Variants in TOX3 observed in about 807,000 individuals in gnomAD.
TOX3 encodes the protein TOX high mobility group box family member 3.
In TOX3, 22 loss-of-function variants were observed where a neutral mutation model predicts 64.3. The ratio of observed to expected loss-of-function variants is 0.34; its 90% CI spans 0.24 to 0.49. The LOEUF (loss-of-function observed/expected upper bound fraction) is 0.49, where lower values mean the gene tolerates loss of function less well. Among genes scored for constraint, TOX3 ranks in the 20% least tolerant of loss-of-function variants. TOX3 has a pLI of 0.99. For missense variants in TOX3, 661 were observed against 714.4 expected (o/e 0.93, Z 0.85); for synonymous variants, 291 against 273.6 (o/e 1.06, Z -0.63).
intron 1 of TOX3, among the ~76,000 whole-genome samples, chr16:52,522,363 A>G (rs765990455): frequency 2.0e-5 from 3 of 152,342 alleles, no homozygotes; most frequent in Middle Eastern, 3.4e-3. Context: ...ATGTTAAAAT[A>G]TCACAGAAAT....
At chr16:52,532,869 T>C (rs1345362827) in intron 1 of TOX3, among the ~76,000 whole-genome samples, 2 of 151,622 alleles carry the variant, frequency 1.3e-5, no homozygotes, top group Non-Finnish European at 2.9e-5. Flanking sequence ...AGGATAAAAG[T>C]GGGGGTAGGA....
At chr16:52,478,928 G>A (rs1406644623) in intron 1 of TOX3, among the ~76,000 whole-genome samples, 1 of 152,018 alleles carries the variant, frequency 6.6e-6, no homozygotes, top group East Asian at 1.9e-4. Flanking sequence ...AATGATCTGG[G>A]GAAAATGAAT....
chr16:52,485,246 GTATATATATA>G (rs34195222), intron 1 of TOX3, among the ~76,000 whole-genome samples: 6 of 127,886 alleles, frequency 4.7e-5, no homozygotes, highest in Non-Finnish European at 7.9e-5. Context: ...ATGTGTGTGT[GTATATATATA>G]TATATATATA....
chr16:52,470,344 A>G (rs1244731034), intron 1 of TOX3, among the ~76,000 whole-genome samples: 1 of 152,176 alleles, frequency 6.6e-6, no homozygotes, highest in East Asian at 1.9e-4. Flanking sequence ...CAAACCGCCT[A>G]ACAACATATA....
intron 1 of TOX3, among the ~76,000 whole-genome samples, chr16:52,518,831 G>T (rs1367197265): frequency 6.6e-6 from 1 of 152,216 alleles, no homozygotes; most frequent in Non-Finnish European, 1.5e-5. Context: ...TCAATGAACT[G>T]CTTTCCCATT....
At chr16:52,529,024 A>G (rs1962787690) in intron 1 of TOX3, among the ~76,000 whole-genome samples, 2 of 152,230 alleles carry the variant, frequency 1.3e-5, no homozygotes, top group Non-Finnish European at 2.9e-5. Context: ...CTTGGCCACC[A>G]GTCCAATGGA....
intron 1 of TOX3, among the ~76,000 whole-genome samples, chr16:52,482,113 C>T (rs1258807971): frequency 1.3e-5 from 2 of 152,054 alleles, no homozygotes; most frequent in Non-Finnish European, 2.9e-5. Context: ...AATAAAATCC[C>T]TTCAAAGTAG....
chr16:52,519,582 G>T, intron 1 of TOX3: 1 of 1,433,004 alleles, frequency 7.0e-7, no homozygotes, highest in Non-Finnish European at 9.2e-7. Context: ...CATCCTAGCT[G>T]AGCAGACGAA....
intron 1 of TOX3, among the ~76,000 whole-genome samples, chr16:52,531,178 A>G (rs1962844991): frequency 6.6e-6 from 1 of 152,208 alleles, no homozygotes; most frequent in Non-Finnish European, 1.5e-5. Context: ...CCACCAAGAA[A>G]GTTATTTATT....
intron 1 of TOX3, among the ~76,000 whole-genome samples, chr16:52,513,117 T>C (rs1414194448): frequency 6.6e-6 from 1 of 152,046 alleles, no homozygotes; most frequent in East Asian, 1.9e-4. Flanking sequence ...AAAAAAGAAG[T>C]CCAGGCACCA....
chr16:52,470,981 A>G (rs1961025724), intron 1 of TOX3, among the ~76,000 whole-genome samples: 1 of 152,198 alleles, frequency 6.6e-6, no homozygotes, highest in South Asian at 2.1e-4. Flanking sequence ...AGGGGGCTTT[A>G]AATATTGACT....
chr16:52,450,223 TG>T (rs1486917913), intron 4 of TOX3, 53 bp downstream of exon 4: 2 of 1,599,290 alleles, frequency 1.3e-6, no homozygotes, highest in Non-Finnish European at 1.7e-6. Context: ...TCAAACAGCA[TG>T]GGGTAATCCC....
chr16:52,531,213 T>C (rs561794783), intron 1 of TOX3, among the ~76,000 whole-genome samples: 1 of 152,178 alleles, frequency 6.6e-6, no homozygotes, highest in South Asian at 2.1e-4. Flanking sequence ...TTGAGTCACA[T>C]GGACAATAGC....
chr16:52,508,075 G>T (rs1287916414), intron 1 of TOX3, among the ~76,000 whole-genome samples: 1 of 152,138 alleles, frequency 6.6e-6, no homozygotes, highest in Non-Finnish European at 1.5e-5. Context: ...AAAGAAATAC[G>T]CTATCATAGC....
intron 1 of TOX3, among the ~76,000 whole-genome samples, chr16:52,483,868 G>C (rs1372647397): frequency 1.3e-5 from 2 of 152,092 alleles, no homozygotes; most frequent in African/African-American, 4.8e-5. Context: ...CCACAGGGCA[G>C]TATTTTTAAT....
intron 6 of TOX3, among the ~76,000 whole-genome samples, chr16:52,442,550 A>G (rs1261920905): frequency 6.6e-6 from 1 of 152,206 alleles, no homozygotes; most frequent in Non-Finnish European, 1.5e-5. Flanking sequence ...AGAGACATCA[A>G]TTGATTGTCA....
chr16:52,490,308 C>T (rs565555000), intron 1 of TOX3, among the ~76,000 whole-genome samples: 1 of 152,292 alleles, frequency 6.6e-6, no homozygotes, highest in African/African-American at 2.4e-5. Context: ...GCCTCCCAGT[C>T]ATGCTTCCTG....
chr16:52,459,817 AT>A (rs1218214658), intron 3 of TOX3, among the ~76,000 whole-genome samples: 2 of 152,166 alleles, frequency 1.3e-5, no homozygotes, highest in Admixed American at 1.3e-4. Context: ...TTAACGTAAG[AT>A]TTTTTTAAGT....
intron 1 of TOX3, among the ~76,000 whole-genome samples, chr16:52,498,249 C>T (rs1961901150): frequency 6.6e-6 from 1 of 152,214 alleles, no homozygotes; most frequent in Admixed American, 6.5e-5. Context: ...TTAGTGTACA[C>T]TGTATTTCAA....
Sources: gnomAD v4.1 joint callset for allele counts (sites outside exome capture counted in the v4.1 genomes callset) on GRCh38, gnomAD v4.1.1 for gene constraint, MANE v1.5 for transcripts, NCBI Gene and HGNC (gene_info 2026-07-23, HGNC 2026-07-21) for gene names.